MKNK2: variants seen among roughly 807,000 people sequenced by gnomAD.
MKNK2 encodes MAPK interacting serine/threonine kinase 2, also known as MAP kinase-interacting serine/threonine-protein kinase 2.
Under a neutral mutation model 55.0 loss-of-function variants are expected in MKNK2, and 54 were observed. The observed-to-expected ratio is 0.98, with a 90% CI of 0.79 to 1.23. The LOEUF (loss-of-function observed/expected upper bound fraction) is 1.23. Ranked by LOEUF, MKNK2 falls within the 50% of genes most tolerant of loss-of-function variation. The pLI, the probability that MKNK2 is intolerant of heterozygous loss-of-function variation, is 0.00. For synonymous variants in MKNK2, 323 were observed against 256.0 expected (o/e 1.26, Z -2.50); for missense variants, 685 against 632.1 (o/e 1.08, Z -0.90).
chr19:2,039,122 T>C lies in MKNK2; in HGVS notation c.*491A>G. On this transcript the variant is annotated 3_prime_UTR_variant, in exon 14 of 14. Transcript: ENST00000250896. ...CAAGCCACCAGGGGTGCTCTCAGGG[T>C]GAGGGATAGAGGGGAAGAGCCTGTC... 1.0e-6 allele frequency: 1 copy of C among 988,372 alleles called. No homozygotes were observed. Among genetic ancestry groups the C allele is most frequent in the Non-Finnish European group, 1.2e-6 (1 of 831,730 alleles). The allele number at this position is 988,372 out of a possible 1,614,324, so 61.2% of individuals were successfully genotyped here. A position where few individuals can be genotyped will look rare whatever the true frequency, so the allele number is the denominator to read the frequency against.
At chr19:2,041,491 G>T (rs969899732) in intron 11 of MKNK2, among the ~76,000 whole-genome samples, 2 of 152,122 alleles carry the variant, frequency 1.3e-5, no homozygotes, top group African/African-American at 4.8e-5. Context: ...CCCAAACCAG[G>T]GGCCTCACTC....
At chr19:2,050,684 G>A in intron 2 of MKNK2, 117 bp downstream of exon 2, 2 of 979,806 alleles carry the variant, frequency 2.0e-6, no homozygotes, top group East Asian at 3.2e-5. Context: ...CCCGGGTGTA[G>A]GGCGGGGGCC....
In MKNK2 at chr19:2,041,341, G is replaced by A. The variant is rs1014675879; in HGVS notation, c.946-137C>T. 1.1e-5 allele frequency: 9 copies of A among 849,904 alleles called. No homozygotes were observed. The African/African-American group carries it at 1.5e-4, about 15-fold the overall frequency. 52.6% of individuals were successfully genotyped at this position (849,904 alleles called of 1,614,324 possible). On this transcript the variant is annotated intron_variant, in intron 11 of 13. Coordinates refer to ENST00000250896, the MANE Select transcript of MKNK2 (RefSeq NM_199054.3). ...ACGCACGCCTGGGGCAGAGGGGGCT[G>A]GGAGCCGGACCAGGAGAGTCAGCTC...
In MKNK2 at chr19:2,038,620, T is replaced by TAAGGAC; in HGVS notation, c.*987_*992dup. 1 of 985,140 alleles carries TAAGGAC rather than the reference T, an allele frequency of 1.0e-6. No individual in the cohort carries two copies. Among genetic ancestry groups the TAAGGAC allele is most frequent in the Non-Finnish European group, 1.2e-6 (1 of 829,782 alleles). 61.0% of individuals were successfully genotyped at this position (985,140 alleles called of 1,614,324 possible). On this transcript the variant is annotated 3_prime_UTR_variant, in exon 14 of 14. Transcript: ENST00000250896. ...AGACCCCGGGGTCTGGGCTCAGCTC[T>TAAGGAC]AAGGACAAGGACGGAGCTGACGGAG... is the stretch of plus-strand genomic sequence containing the variant.
rs1185527901 is a variant in MKNK2 at position 2,046,296 on chromosome 19, G to A, written c.242-13C>T. 3.7e-6 allele frequency: 6 copies of A among 1,603,298 alleles called. No homozygotes were observed. The African/African-American group carries it at 5.3e-5, about 14-fold the overall frequency. On this transcript the variant is annotated splice_polypyrimidine_tract_variant and intron_variant, in intron 4 of 13. Transcript: ENST00000250896. ...AGCTGGTAGACGTCTGCCGGGCAGC[G>A]GGGCGGGCGTGAGAGGGACCCTGGC...
chr19:2,039,424 G>C lies in MKNK2; in HGVS notation c.*189C>G. ...TCCAAAGGAAAAAATAACGGGGAGG[G>C]GTGGAAACAGGAAAAAAAAAACCCA... On this transcript the variant is annotated 3_prime_UTR_variant, in exon 14 of 14. Transcript: ENST00000250896. The C allele has an allele frequency of 7.1e-7, 1 of 1,402,178 alleles. No homozygotes were observed. The highest frequency in any genetic ancestry group is 9.2e-7 in the Non-Finnish European group (1 of 1,081,242). 86.9% of individuals were successfully genotyped at this position (1,402,178 alleles called of 1,614,324 possible). A position where few individuals can be genotyped will look rare whatever the true frequency, so the allele number is the denominator to read the frequency against.
In MKNK2 at chr19:2,039,546, T is replaced by G; in HGVS notation, c.*67A>C. On this transcript the variant is annotated 3_prime_UTR_variant, in exon 14 of 14. Coordinates refer to ENST00000250896, the MANE Select transcript of MKNK2 (RefSeq NM_199054.3). ...CAGCCCGCTGGACACCGGCTGGCGA[T>G]AGCTTAAAAAACCTTTAGATTTGAT... 6.5e-7 allele frequency: 1 copy of G among 1,530,384 alleles called. No individual in the cohort carries two copies. The highest frequency in any genetic ancestry group is 1.9e-5 in the Admixed American group (1 of 53,366). 94.8% of individuals were successfully genotyped at this position (1,530,384 alleles called of 1,614,324 possible). A position where few individuals can be genotyped will look rare whatever the true frequency, so the allele number is the denominator to read the frequency against.
rs762758006 is a variant in MKNK2 at position 2,039,704 on chromosome 19, A to G, written c.1307T>C (p.Leu436Pro). The change falls in exon 14 of 14, where the codon CTG becomes CCG. Residue 436 changes from leucine to proline, a missense_variant. Transcript: ENST00000250896. ...LVRATSRCLQ[L>P]SPPSQSKLAQ... ...CAGCTTGGACTGGGAGGGTGGAGAC[A>G]GCTGCAGGCAGCGTGAGGTAGCTCG... 5 of 1,612,548 alleles carry G rather than the reference A, an allele frequency of 3.1e-6. No individual in the cohort carries two copies. Among genetic ancestry groups the G allele is most frequent in the Admixed American group, 3.3e-5 (2 of 60,006 alleles).
chr19:2,047,337 C>A (rs1236813879), intron 2 of MKNK2, among the ~76,000 whole-genome samples: 1 of 152,174 alleles, frequency 6.6e-6, no homozygotes, highest in African/African-American at 2.4e-5. Flanking sequence ...GAAAGATGGG[C>A]CCCAACCTCC....
At chr19:2,040,394 C>A in intron 12 of MKNK2, 1 of 541,968 alleles carries the variant, frequency 1.8e-6, no homozygotes, top group Non-Finnish European at 3.2e-6. Context: ...GAGGCTGGGC[C>A]AGGCTGAGGC....
rs1165304897 is a variant in MKNK2, at chr19:2,042,881, C to A, written c.494-11G>T. The A allele has an allele frequency of 6.4e-7, 1 of 1,555,698 alleles. No homozygotes were observed. Among genetic ancestry groups the A allele is most frequent in the Admixed American group, 1.9e-5 (1 of 51,968 alleles). On this transcript the variant is annotated splice_polypyrimidine_tract_variant and intron_variant, in intron 7 of 13. Coordinates refer to ENST00000250896, the MANE Select transcript of MKNK2 (RefSeq NM_199054.3). The stretch of plus-strand genomic sequence containing the variant: ...GGCTCAGGATGGAGCCTGGGCAGGG[C>A]AGGGCAGGGCAGGACAGGGGGAACA...
chr19:2,042,638 G>C lies in MKNK2; in HGVS notation c.623C>G (p.Pro208Arg). The change falls in exon 9 of 14, where the codon CCG (proline) becomes CGG (arginine). Residue 208 changes from proline (P) to arginine (R), a missense_variant. By Grantham distance (103) the Pro-to-Arg change is moderately radical. Transcript: ENST00000250896. ...NKGIAHRDLK[P>R]ENILCEHPNQ... ...GGGGTGCTCACAGAGGATGTTTTCC[G>C]GCTTTAGGTCCCTGTGGGCGATGCC... 6.4e-7 allele frequency: 1 copy of C among 1,564,130 alleles called. No homozygotes were observed. The highest frequency in any genetic ancestry group is 8.7e-7 in the Non-Finnish European group (1 of 1,153,808).
At chr19:2,044,542 G>A (rs1599382857) in intron 5 of MKNK2, among the ~76,000 whole-genome samples, 2 of 152,206 alleles carry the variant, frequency 1.3e-5, no homozygotes, top group African/African-American at 4.8e-5. Flanking sequence ...CTCACTGGGC[G>A]GGTGCCTGGC....
intron 13 of MKNK2, 43 bp from the exon 14 acceptor site, chr19:2,039,899 C>T: frequency 6.4e-7 from 1 of 1,565,260 alleles, no homozygotes. Flanking sequence ...AGAGGCACCC[C>T]TCAGGGGACC....
In MKNK2 at chr19:2,039,619, G is replaced by C. The variant is rs553156940; in HGVS notation, c.1392C>G (p.His464Gln). The change falls in exon 14 of 14, where the codon CAC becomes CAG. Residue 464 changes from histidine (H) to glutamine (Q), a missense_variant. Transcript: ENST00000250896. ...SSAPVVLVGD[H>Q]A Reference sequence around the variant, plus strand: ...CAGAGGGGAGATGGGAGGGTCAGGCGTGGTCTCCCACCAGGACCACTGGGG... The same window carrying C: ...CAGAGGGGAGATGGGAGGGTCAGGCCTGGTCTCCCACCAGGACCACTGGGG... 1 of 1,611,114 alleles carries C rather than the reference G, an allele frequency of 6.2e-7. No individual in the cohort carries two copies. Among genetic ancestry groups the C allele is most frequent in the East Asian group, 2.2e-5 (1 of 44,826 alleles).
chr19:2,043,158 G>GTCC lies in MKNK2; in HGVS notation c.456_458dup (p.Glu152dup). The stretch of plus-strand genomic sequence containing the variant: ...TCTTCTCAAACACCAGGTAGAAGCG[G>GTCC]TCCTCCTCCTCGAAGAACTCAATCA... On this transcript the variant is annotated inframe_insertion, in exon 7 of 14. Coordinates refer to ENST00000250896, the MANE Select transcript of MKNK2 (RefSeq NM_199054.3). The GTCC allele has an allele frequency of 6.2e-7, 1 of 1,613,110 alleles. No individual in the cohort carries two copies. The highest frequency in any genetic ancestry group is 2.2e-5 in the East Asian group (1 of 44,852).
At position 2,043,210 on chromosome 19, in the gene MKNK2, TGGGGGC is replaced by T; in HGVS notation, c.420-19_420-14del. 2 of 881,328 alleles carry T rather than the reference TGGGGGC, an allele frequency of 2.3e-6. No homozygotes were observed. Among genetic ancestry groups the T allele is most frequent in the Non-Finnish European group, 3.7e-6 (2 of 542,136 alleles). 54.6% of individuals were successfully genotyped at this position (881,328 alleles called of 1,614,324 possible). On this transcript the variant is annotated splice_polypyrimidine_tract_variant and intron_variant, in intron 6 of 13. Coordinates refer to ENST00000250896, the MANE Select transcript of MKNK2 (RefSeq NM_199054.3). Reference sequence around the variant, plus strand: ...CTCTAGGACGTTCCTGGGGTGGGGGTGGGGGCAGGAGAGGAGCTGAGGCTTCCTGAG... The same window carrying T: ...CTCTAGGACGTTCCTGGGGTGGGGGTAGGAGAGGAGCTGAGGCTTCCTGAG...
rs757775037 is a variant in MKNK2, at chr19:2,037,694, C to G, written c.*1919G>C. On this transcript the variant is annotated 3_prime_UTR_variant, in exon 14 of 14. Coordinates refer to ENST00000250896, the MANE Select transcript of MKNK2 (RefSeq NM_199054.3). ...ATTAACACATGGCCGTTCACCGTCC[C>G]CCAGCGATGGGAGCTGGCCTGGGGC... 2 of 1,371,006 alleles carry G rather than the reference C, an allele frequency of 1.5e-6. No homozygotes were observed. Among genetic ancestry groups the G allele is most frequent in the Non-Finnish European group, 2.0e-6 (2 of 1,013,296 alleles). 84.9% of individuals were successfully genotyped at this position (1,371,006 alleles called of 1,614,324 possible).
chr19:2,043,346 G>C (rs995233361), intron 6 of MKNK2, 149 bp from the exon 7 acceptor site: 2 of 999,232 alleles, frequency 2.0e-6, no homozygotes, highest in Admixed American at 1.9e-5. Flanking sequence ...CACACTGCCC[G>C]CCTGGGGCTG....
Sources: gnomAD v4.1 joint callset for allele counts (sites outside exome capture counted in the v4.1 genomes callset) on GRCh38, gnomAD v4.1.1 for gene constraint, MANE v1.5 for transcripts, NCBI Gene and HGNC (gene_info 2026-07-23, HGNC 2026-07-21) for gene names.